The following CDH13 variants were observed in gnomAD, a reference collection of about 807,000 sequenced individuals.
CDH13 encodes the protein cadherin 13.
Under a neutral mutation model 63.8 loss-of-function variants are expected in CDH13, and 24 were observed. The observed-to-expected ratio is 0.38, with a 90% CI of 0.27 to 0.53. CDH13 has a LOEUF of 0.53. Ranked by LOEUF, CDH13 falls within the 20% of genes least tolerant of loss-of-function variation. The pLI is 0.85. For synonymous variants in CDH13, 503 were observed against 355.3 expected (o/e 1.42, Z -4.67); for missense variants, 1,049 against 903.1 (o/e 1.16, Z -2.07).
At chr16:83,518,287 G>GTGT (rs1567730872) in intron 7 of CDH13, among the ~76,000 whole-genome samples, 1 of 151,780 alleles carries the variant, frequency 6.6e-6, no homozygotes, top group Non-Finnish European at 1.5e-5. Flanking sequence ...GGGACTACAG[G>GTGT]CACATGCCAC....
intron 8 of CDH13, among the ~76,000 whole-genome samples, chr16:83,624,772 C>G (rs1309204772): frequency 6.6e-6 from 1 of 152,114 alleles, no homozygotes; most frequent in Admixed American, 6.5e-5. Context: ...GTTGACTGCA[C>G]CAACGTGACC....
chr16:83,418,292 G>A (rs1278698153), intron 6 of CDH13, among the ~76,000 whole-genome samples: 6 of 152,114 alleles, frequency 3.9e-5, no homozygotes, highest in Admixed American at 3.9e-4. Flanking sequence ...GCTGGCACTT[G>A]TCAGTACCCA....
At chr16:83,567,367 G>T (rs960197661) in intron 7 of CDH13, among the ~76,000 whole-genome samples, 2 of 152,174 alleles carry the variant, frequency 1.3e-5, no homozygotes, top group African/African-American at 4.8e-5. Context: ...ATGAATGAGT[G>T]CCCCCTTGAG....
intron 5 of CDH13, among the ~76,000 whole-genome samples, chr16:83,281,162 TTAGTG>T (rs1249189319): frequency 1.3e-5 from 2 of 152,246 alleles, no homozygotes; most frequent in Non-Finnish European, 2.9e-5. Flanking sequence ...AATGTATTGT[TTAGTG>T]TAGCCACTTT....
chr16:83,044,935 T>C (rs1471557933), intron 3 of CDH13, among the ~76,000 whole-genome samples: 1 of 152,182 alleles, frequency 6.6e-6, no homozygotes, highest in Non-Finnish European at 1.5e-5. Flanking sequence ...AAAATGTACA[T>C]TTTCTAGGCT....
intron 5 of CDH13, among the ~76,000 whole-genome samples, chr16:83,238,220 A>AT (rs1904279840): frequency 2.1e-5 from 1 of 48,478 alleles, no homozygotes; most frequent in Admixed American, 3.5e-4. Context: ...TGGGTAATTC[A>AT]TTTAAAAAAA....
intron 6 of CDH13, among the ~76,000 whole-genome samples, chr16:83,433,794 G>C (rs2072201419): frequency 6.6e-6 from 1 of 152,212 alleles, no homozygotes; most frequent in Admixed American, 6.5e-5. Context: ...CCGTGCAGCA[G>C]ATAAGAGTGT....
chr16:82,883,319 T>G (rs1026365339), intron 2 of CDH13, among the ~76,000 whole-genome samples: 3 of 152,202 alleles, frequency 2.0e-5, no homozygotes, highest in African/African-American at 7.2e-5. Context: ...CACCATCACA[T>G]CATTGTATTT....
chr16:83,542,246 C>G (rs1482638435), intron 7 of CDH13, among the ~76,000 whole-genome samples: 9 of 152,280 alleles, frequency 5.9e-5, no homozygotes, highest in Non-Finnish European at 1.2e-4. Context: ...TAGAGTCACC[C>G]TATCAGAATT....
intron 1 of CDH13, among the ~76,000 whole-genome samples, chr16:82,776,867 C>T (rs745925594): frequency 3.3e-5 from 5 of 152,150 alleles, no homozygotes; most frequent in Non-Finnish European, 7.4e-5. Flanking sequence ...AGAACCAAAG[C>T]CCTGGAAATT....
chr16:83,337,579 T>C (rs903662465), intron 5 of CDH13, among the ~76,000 whole-genome samples: 3 of 148,862 alleles, frequency 2.0e-5, no homozygotes, highest in Non-Finnish European at 4.5e-5. Flanking sequence ...TCCCTCACCA[T>C]ATTATTCACT....
At chr16:82,835,628 C>T (rs1424884256) in intron 1 of CDH13, among the ~76,000 whole-genome samples, 2 of 152,180 alleles carry the variant, frequency 1.3e-5, no homozygotes, top group South Asian at 4.1e-4. Flanking sequence ...CAGTCCTATG[C>T]TCCCAGCTTA....
intron 2 of CDH13, among the ~76,000 whole-genome samples, chr16:82,958,119 A>G (rs751426706): frequency 1.1e-3 from 173 of 152,154 alleles, no homozygotes; most frequent in Non-Finnish European, 2.1e-3. Context: ...GCCATACCTA[A>G]CCTAAAATCC....
intron 6 of CDH13, among the ~76,000 whole-genome samples, chr16:83,381,428 G>A (rs76323466): frequency 0.11 from 16,190 of 151,884 alleles, 1,127 homozygotes; most frequent in Non-Finnish European, 0.15. Context: ...AGTGTTGTGC[G>A]TTCCCTATCC....
intron 9 of CDH13, among the ~76,000 whole-genome samples, chr16:83,675,839 T>A (rs776414895): frequency 6.6e-6 from 1 of 152,168 alleles, no homozygotes; most frequent in Non-Finnish European, 1.5e-5. Flanking sequence ...ATCAAAATAA[T>A]AGATAATTGT....
chr16:83,774,334 A>G (rs1914962347), intron 11 of CDH13, among the ~76,000 whole-genome samples: 1 of 152,088 alleles, frequency 6.6e-6, no homozygotes. Context: ...GGAAGCTAAG[A>G]ATCTCAAATA....
intron 5 of CDH13, among the ~76,000 whole-genome samples, chr16:83,299,438 C>T (rs954971623): frequency 1.3e-5 from 2 of 152,188 alleles, no homozygotes; most frequent in South Asian, 2.1e-4. Context: ...CTCTTGCTAT[C>T]CTCATTCTCT....
intron 1 of CDH13, among the ~76,000 whole-genome samples, chr16:82,755,294 C>T (rs1326131623): frequency 6.6e-6 from 1 of 152,120 alleles, no homozygotes; most frequent in Non-Finnish European, 1.5e-5. Context: ...GGGGACAGAA[C>T]ATTTCTGAGT....
intron 5 of CDH13, among the ~76,000 whole-genome samples, chr16:83,271,190 C>T (rs934347601): frequency 6.6e-6 from 1 of 151,818 alleles, no homozygotes; most frequent in Non-Finnish European, 1.5e-5. Context: ...TCCCCAGAAG[C>T]TCCTCAAAGA....
Sources: gnomAD v4.1 joint callset for allele counts (sites outside exome capture counted in the v4.1 genomes callset) on GRCh38, gnomAD v4.1.1 for gene constraint, MANE v1.5 for transcripts, NCBI Gene and HGNC (gene_info 2026-07-23, HGNC 2026-07-21) for gene names.